The following RASGRP2 variants were observed in gnomAD, a reference collection of about 807,000 sequenced individuals.
RASGRP2 encodes RAS guanyl-releasing protein 2.
A neutral mutation model predicts 71.0 loss-of-function variants in RASGRP2; 44 were observed. The ratio of observed to expected loss-of-function variants is 0.62; its 90% confidence interval spans 0.49 to 0.80. The LOEUF is 0.80. RASGRP2 is among the 30% of genes least tolerant of loss of function. The probability of loss-of-function intolerance (pLI) is 0.00; values close to 1 mark genes in which losing one functional copy is unlikely to be tolerated. For synonymous variants in RASGRP2, 350 were observed against 330.7 expected (o/e 1.06, Z -0.63); for missense variants, 663 against 813.4 (o/e 0.82, Z 2.25).
At position 64,743,041 on chromosome 11, in the gene RASGRP2, G is replaced by T. The variant is rs1003050271; in HGVS notation, c.-71-104C>A. Reference sequence around the variant, plus strand: ...CGGGCACGCCCCCTGCTGGACAGGGGCGGAGTTGTCCCCCGCGGCCACTCC... The same window carrying T: ...CGGGCACGCCCCCTGCTGGACAGGGTCGGAGTTGTCCCCCGCGGCCACTCC... On this transcript the variant is annotated intron_variant, in intron 1 of 16. Transcript: ENST00000394432. This position sits in a 1 kb window ranked among gnomAD's most constrained non-coding sequence, Gnocchi z 4.9. 3.8e-6 allele frequency: 5 copies of T among 1,303,386 alleles called. No homozygotes were observed. The highest frequency in any genetic ancestry group is 5.3e-6 in the Non-Finnish European group (5 of 938,290). 80.7% of individuals were successfully genotyped at this position (1,303,386 alleles called of 1,614,324 possible).
In RASGRP2 at chr11:64,740,032, C is replaced by A. The variant is rs146725264; in HGVS notation, c.503G>T (p.Arg168Leu). The A allele has an allele frequency of 1.2e-6, 2 of 1,613,954 alleles. No homozygotes were observed. Among genetic ancestry groups the A allele is most frequent in the African/African-American group, 1.3e-5 (1 of 74,870 alleles). ...LAEHLTYLEY[R>L]SFCKILFQDY... ...CCGCACCAGGATCTTGCAGAAGGAG[C>A]GATACTCCAAGTAGGTGAGATGCTC... The change falls in exon 6 of 17, where the codon CGC becomes CTC. Residue 168 changes from arginine to leucine, a missense_variant. By Grantham distance (102) the Arg-to-Leu change is moderately radical. Transcript: ENST00000394432.
At chr11:64,741,988 T>A in intron 3 of RASGRP2, 22 bp downstream of exon 3, 1 of 1,595,150 alleles carries the variant, frequency 6.3e-7, no homozygotes, top group Admixed American at 1.8e-5. Context: ...GCGGGGGCCT[T>A]GGCAAGGCCG....
At chr11:64,744,395 G>A, upstream of RASGRP2, 1 of 823,104 alleles carries the variant, frequency 1.2e-6, no homozygotes, top group Non-Finnish European at 1.5e-6. Context: ...TTTCCTAAGA[G>A]CCACCCAGAG....
Position 64,728,874 on chromosome 11 carries a change from G to A in RASGRP2, c.1760C>T (p.Ser587Phe), listed in dbSNP as rs375889985. Residue 587 changes from serine (S) to phenylalanine (F), a missense_variant, in exon 15 of 17, where the codon TCC (serine) becomes TTC (phenylalanine). Coordinates refer to ENST00000394432, the MANE Select transcript of RASGRP2 (RefSeq NM_001098671.2). ...FSLPRPGRRG[S>F]RPPEIREEEV... The stretch of plus-strand genomic sequence containing the variant: ...TGACTCCCTCTTACCTGGAGGCCTG[G>A]AGCCTCGCCTGCCAGGGCGGGGCAG... 2.4e-5 allele frequency: 38 copies of A among 1,611,162 alleles called. No individual in the cohort carries two copies. The highest frequency in any genetic ancestry group is 3.1e-5 in the Non-Finnish European group (36 of 1,179,162).
rs772289771 is a variant in RASGRP2, at chr11:64,743,245, G to A, written c.-71-308C>T. ...GCCCCCCGCAGGGCGCCTTCTCCTC[G>A]CGCCCTCTCCCCAGAGGCACCTGCA... On this transcript the variant is annotated intron_variant, in intron 1 of 16. Transcript: ENST00000394432. The surrounding 1 kb of genome is among the most constrained non-coding windows in gnomAD (Gnocchi z 4.9). 6.1e-6 allele frequency: 3 copies of A among 494,484 alleles called. No homozygotes were observed. Among genetic ancestry groups the A allele is most frequent in the South Asian group, 4.6e-5 (3 of 64,850 alleles). The allele number at this position is 494,484 out of a possible 1,614,324, so 30.6% of individuals were successfully genotyped here. A position where few individuals can be genotyped will look rare whatever the true frequency, so the allele number is the denominator to read the frequency against.
Position 64,739,503 on chromosome 11 carries a change from C to G in RASGRP2, c.697-27G>C. On this transcript the variant is annotated intron_variant, in intron 7 of 16. Transcript: ENST00000394432. This position sits in a 1 kb window ranked among gnomAD's most constrained non-coding sequence, Gnocchi z 4.2. ...TGGAAGGCAAATGGGGACGGAGAGG[C>G]AGGGAGTCACTGAGTGGGCCCAGAA... 6.2e-7 allele frequency: 1 copy of G among 1,611,466 alleles called. No individual in the cohort carries two copies. The highest frequency in any genetic ancestry group is 8.5e-7 in the Non-Finnish European group (1 of 1,177,648).
In RASGRP2 at chr11:64,729,494, G is replaced by A. The variant is rs190111625; in HGVS notation, c.1591+268C>T. Among the ~76,000 whole-genome samples the A allele has an allele frequency of 0.015, 2,324 of 152,092 alleles. 40 individuals are homozygous for A. Among genetic ancestry groups the A allele is most frequent in the African/African-American group, 0.014 (592 of 41,474 alleles). ...TGGGATTACAGGTGGGTGCCACCAC[G>A]CCCAGCTACTTTTTGTATTTTTAGT... On this transcript the variant is annotated intron_variant, in intron 14 of 16. Transcript: ENST00000394432.
chr11:64,735,328 G>A lies in RASGRP2; in HGVS notation c.1297-101C>T. The A allele has an allele frequency of 8.0e-7, 1 of 1,250,730 alleles. No homozygotes were observed. 77.5% of individuals were successfully genotyped at this position (1,250,730 alleles called of 1,614,324 possible). A position where few individuals can be genotyped will look rare whatever the true frequency, so the allele number is the denominator to read the frequency against. On this transcript the variant is annotated intron_variant, in intron 11 of 16. Coordinates refer to ENST00000394432, the MANE Select transcript of RASGRP2 (RefSeq NM_001098671.2). This position sits in a 1 kb window ranked among gnomAD's most constrained non-coding sequence, Gnocchi z 4.2. ...GTTCCCAGTCCATTTGATGAGGTGTGTCTCAGAGAGGTCTCTGACACCACC... is the reference window on the plus strand; with the variant it reads ...GTTCCCAGTCCATTTGATGAGGTGTATCTCAGAGAGGTCTCTGACACCACC...
intron 12 of RASGRP2, among the ~76,000 whole-genome samples, chr11:64,733,893 C>G (rs529254737): frequency 6.1e-4 from 90 of 146,642 alleles, no homozygotes; most frequent in African/African-American, 2.2e-3. Context: ...GCGCAGTCAC[C>G]CAGGCTGAAG....
chr11:64,737,072 T>A, intron 8 of RASGRP2, 38 bp from the exon 9 acceptor site: 1 of 1,610,610 alleles, frequency 6.2e-7, no homozygotes. Context: ...CCCCCACAAC[T>A]ATCCTCCCTA....
chr11:64,744,209 T>C (rs1338530947), upstream of RASGRP2: 6 of 985,818 alleles, frequency 6.1e-6, no homozygotes, highest in Non-Finnish European at 7.2e-6. Context: ...GCCCATTCCG[T>C]CGCCCCCCTC....
Position 64,743,934 on chromosome 11 carries a change from C to A in RASGRP2, c.-72+69G>T, listed in dbSNP as rs1477694851. The A allele has an allele frequency of 1.4e-5, 14 of 991,854 alleles. No individual in the cohort carries two copies. The highest frequency in any genetic ancestry group is 1.7e-5 in the Non-Finnish European group (14 of 826,512). The allele number at this position is 991,854 out of a possible 1,614,324, so 61.4% of individuals were successfully genotyped here. On this transcript the variant is annotated intron_variant, in intron 1 of 16. Transcript: ENST00000394432. The surrounding 1 kb of genome is among the most constrained non-coding windows in gnomAD (Gnocchi z 4.9). ...CCACAGGCACCGGCCTCCCATCCTC[C>A]GTCTCTCACACACAATGGCACCCAC...
In RASGRP2 at chr11:64,735,487, T is replaced by G. The variant is rs1297089606; in HGVS notation, c.1296+55A>C. The G allele has an allele frequency of 5.0e-6, 8 of 1,611,686 alleles. No individual in the cohort carries two copies. Among genetic ancestry groups the G allele is most frequent in the Non-Finnish European group, 6.8e-6 (8 of 1,179,960 alleles). On this transcript the variant is annotated intron_variant, in intron 11 of 16. Coordinates refer to ENST00000394432, the MANE Select transcript of RASGRP2 (RefSeq NM_001098671.2). This position sits in a 1 kb window ranked among gnomAD's most constrained non-coding sequence, Gnocchi z 4.2. ...ACACTCGTGCTGGCTTCCAGGGCAG[T>G]GCTCCGGCAAACTGGCCTCTCCCCA...
At chr11:64,729,527 G>T (rs1354171959) in intron 14 of RASGRP2, among the ~76,000 whole-genome samples, 1 of 152,008 alleles carries the variant, frequency 6.6e-6, no homozygotes, top group Non-Finnish European at 1.5e-5. Context: ...AGTAGAGGCG[G>T]GGTTGCGCTA....
upstream of RASGRP2, chr11:64,744,290 G>C: frequency 1.0e-6 from 1 of 985,414 alleles, no homozygotes; most frequent in Non-Finnish European, 1.2e-6. Context: ...TTTTGGCAGA[G>C]CCTTGCCCCA....
chr11:64,741,478 T>C lies in RASGRP2; in HGVS notation c.200A>G (p.Asn67Ser). The C allele has an allele frequency of 6.3e-7, 1 of 1,581,274 alleles. No homozygotes were observed. Among genetic ancestry groups the C allele is most frequent in the Non-Finnish European group, 8.6e-7 (1 of 1,162,322 alleles). ...LHIYQQSRKD[N>S]SNSLQVKTCH... ...CGTTTTCACCTGCAGGGAATTGGAG[T>C]TGTCCTTCCGGGATTGTTGGTAGGT... The change falls in exon 4 of 17, where the codon AAC (asparagine) becomes AGC (serine). Residue 67 changes from asparagine to serine, a missense_variant. Transcript: ENST00000394432.
rs745400253 is a variant in RASGRP2, at chr11:64,735,554, C to T, written c.1284G>A (p.Glu428=). The T allele has an allele frequency of 1.9e-6, 3 of 1,614,092 alleles. No homozygotes were observed. Among genetic ancestry groups the T allele is most frequent in the East Asian group, 4.5e-5 (2 of 44,882 alleles). The change falls in exon 11 of 17, where the codon GAG becomes GAA. Residue 428 remains glutamate (E), a synonymous_variant. Coordinates refer to ENST00000394432, the MANE Select transcript of RASGRP2 (RefSeq NM_001098671.2). This position sits in a 1 kb window ranked among gnomAD's most constrained non-coding sequence, Gnocchi z 4.2. ...CGCAGGAGCTCACCTCCACCATCTT[C>T]TCGATGTGCTCCACCACGAGGGCCT... ...LDQALVVEHI[E]KMVESVFRNF...
At chr11:64,741,913 A>G (rs146428040) in intron 3 of RASGRP2, 97 bp downstream of exon 3, 165 of 1,050,864 alleles carry the variant, frequency 1.6e-4, no homozygotes, top group Middle Eastern at 5.5e-4. Flanking sequence ...GGAGTGGCCT[A>G]TACTTAGGAG....
Position 64,739,432 on chromosome 11 carries a change from G to A in RASGRP2, c.741C>T (p.Val247=), listed in dbSNP as rs563697119. 36 of 1,614,142 alleles carry A rather than the reference G, an allele frequency of 2.2e-5. No individual in the cohort carries two copies. The highest frequency in any genetic ancestry group is 1.2e-4 in the Admixed American group (7 of 60,022). The change falls in exon 8 of 17, where the codon GTC becomes GTT. Residue 247 remains valine (V), a synonymous_variant. Transcript: ENST00000394432. This position sits in a 1 kb window ranked among gnomAD's most constrained non-coding sequence, Gnocchi z 4.2. ...LQNFNTLMAV[V]GGLSHSSISR... is the part of the protein sequence containing the mutation. ...AGATGGAGCTGTGGCTCAGGCCCCCGACCACTGCCATCAGCGTGTTGAAGT... is the reference window on the plus strand; with the variant it reads ...AGATGGAGCTGTGGCTCAGGCCCCCAACCACTGCCATCAGCGTGTTGAAGT...
Sources: allele counts gnomAD v4.1 joint callset (sites outside exome capture counted in the v4.1 genomes callset), GRCh38; gene constraint gnomAD v4.1.1; non-coding constraint Gnocchi (gnomAD v3.1); transcripts MANE v1.5; gene names NCBI Gene and HGNC (gene_info 2026-07-23, HGNC 2026-07-21).